Variants in AKR1C8 observed in about 807,000 individuals in gnomAD.
The protein encoded by AKR1C8 is aldo-keto reductase family 1 member C-like protein 1.
At chr10:5,138,660 G>A in the AKR1C8 span, among the ~76,000 whole-genome samples, 72 of 152,180 alleles carry the variant, frequency 4.7e-4, no homozygotes, top group African/African-American at 1.6e-3. Context: ...AGTATTATTT[G>A]GGAACTGATA....
At chr10:5,133,261 T>C in the AKR1C8 span, among the ~76,000 whole-genome samples, 1 of 152,004 alleles carries the variant, frequency 6.6e-6, no homozygotes, top group Non-Finnish European at 1.5e-5. Context: ...TTATGCCAGT[T>C]AAATTTTTGT....
At chr10:5,142,014 G>A in the AKR1C8 span, among the ~76,000 whole-genome samples, 80 of 152,146 alleles carry the variant, frequency 5.3e-4, no homozygotes, top group South Asian at 0.015. Context: ...ATTCAAAATC[G>A]ATTGCTTATT....
the AKR1C8 span, among the ~76,000 whole-genome samples, chr10:5,119,230 G>A: frequency 6.6e-6 from 1 of 152,320 alleles, no homozygotes; most frequent in African/African-American, 2.4e-5. Flanking sequence ...GAATGGCACA[G>A]TAAGCAAGAA....
chr10:5,173,311 A>T, the AKR1C8 span, among the ~76,000 whole-genome samples: 7 of 152,068 alleles, frequency 4.6e-5, no homozygotes, highest in African/African-American at 1.7e-4. Context: ...ACATGGAGAA[A>T]GGGACATGAA....
the AKR1C8 span, among the ~76,000 whole-genome samples, chr10:5,149,601 G>T: frequency 6.6e-6 from 1 of 152,028 alleles, no homozygotes; most frequent in East Asian, 1.9e-4. Flanking sequence ...ATTTTTCACA[G>T]GTAAGAAACC....
the AKR1C8 span, among the ~76,000 whole-genome samples, chr10:5,184,735 G>C: frequency 6.6e-6 from 1 of 152,178 alleles, no homozygotes. Flanking sequence ...GAAAGCATTT[G>C]ATATATTAGG....
chr10:5,175,965 A>G, the AKR1C8 span, among the ~76,000 whole-genome samples: 93 of 152,046 alleles, frequency 6.1e-4, 1 homozygote, highest in South Asian at 0.018. Flanking sequence ...TTGCTGTGCA[A>G]AAGCTCTTTA....
At chr10:5,134,332 G>C in the AKR1C8 span, among the ~76,000 whole-genome samples, 1 of 152,110 alleles carries the variant, frequency 6.6e-6, no homozygotes, top group Non-Finnish European at 1.5e-5. Context: ...TTCTTACAAT[G>C]TACAGTTGAG....
the AKR1C8 span, among the ~76,000 whole-genome samples, chr10:5,174,277 T>A: frequency 1.3e-5 from 1 of 79,346 alleles, no homozygotes; most frequent in African/African-American, 4.4e-5. Flanking sequence ...ATATGTGATG[T>A]CTATAAAAAA....
the AKR1C8 span, among the ~76,000 whole-genome samples, chr10:5,121,076 T>C: frequency 9.3e-5 from 14 of 150,040 alleles, no homozygotes; most frequent in African/African-American, 3.4e-4. Flanking sequence ...ACATAGAGGC[T>C]TTTCTTTTTT....
At chr10:5,116,607 C>T in the AKR1C8 span, among the ~76,000 whole-genome samples, 1 of 152,204 alleles carries the variant, frequency 6.6e-6, no homozygotes, top group African/African-American at 2.4e-5. Flanking sequence ...AGTCCCTGAC[C>T]ACCCAGCCAA....
At chr10:5,179,303 T>C in the AKR1C8 span, among the ~76,000 whole-genome samples, 1 of 152,214 alleles carries the variant, frequency 6.6e-6, no homozygotes, top group Non-Finnish European at 1.5e-5. Flanking sequence ...TGTTGAATAT[T>C]GGCCCCCACT....
At chr10:5,127,130 TA>T in the AKR1C8 span, among the ~76,000 whole-genome samples, 1,214 of 152,172 alleles carry the variant, frequency 8.0e-3, 8 homozygotes, top group Non-Finnish European at 0.014. Flanking sequence ...ATAAAATATT[TA>T]AAATACCAGA....
the AKR1C8 span, among the ~76,000 whole-genome samples, chr10:5,118,862 C>T: frequency 2.0e-5 from 3 of 152,032 alleles, no homozygotes; most frequent in African/African-American, 4.8e-5. Context: ...TATTACTGGA[C>T]AGTAAACATG....
chr10:5,117,959 T>C, the AKR1C8 span, among the ~76,000 whole-genome samples: 1 of 152,120 alleles, frequency 6.6e-6, no homozygotes, highest in African/African-American at 2.4e-5. Context: ...GAGGGTCAAA[T>C]ATGCCAACCA....
the AKR1C8 span, among the ~76,000 whole-genome samples, chr10:5,173,485 C>T: frequency 6.6e-6 from 1 of 151,866 alleles, no homozygotes; most frequent in Non-Finnish European, 1.5e-5. Context: ...AAGTGAGAAG[C>T]AGATGCAAAG....
the AKR1C8 span, among the ~76,000 whole-genome samples, chr10:5,164,377 C>T: frequency 1.7e-4 from 26 of 151,874 alleles, no homozygotes; most frequent in Non-Finnish European, 3.4e-4. Flanking sequence ...CTAACCTCAC[C>T]CTTTGTGTCC....
the AKR1C8 span, among the ~76,000 whole-genome samples, chr10:5,179,282 T>C: frequency 6.6e-6 from 1 of 152,206 alleles, no homozygotes; most frequent in African/African-American, 2.4e-5. Flanking sequence ...GAAAATTCTT[T>C]TCTTTAAGGA....
At chr10:5,134,615 G>T in the AKR1C8 span, among the ~76,000 whole-genome samples, 1 of 151,976 alleles carries the variant, frequency 6.6e-6, no homozygotes, top group Non-Finnish European at 1.5e-5. Flanking sequence ...TTGTACATGG[G>T]AACTTGTATT....
Sources: gnomAD v4.1 joint callset for allele counts (sites outside exome capture counted in the v4.1 genomes callset) on GRCh38, gnomAD v4.1.1 for gene constraint, MANE v1.5 for transcripts, NCBI Gene and HGNC (gene_info 2026-07-23, HGNC 2026-07-21) for gene names.